PIERCE1: variants seen among roughly 807,000 people sequenced by gnomAD.
PIERCE1 encodes piercer of microtubule wall 1.
chr9:135,497,626 C>T, the PIERCE1 span, among the ~76,000 whole-genome samples: 4 of 152,004 alleles, frequency 2.6e-5, no homozygotes, highest in African/African-American at 4.8e-5. Context: ...GGTCTCATTA[C>T]GTTGCCCAGG....
the PIERCE1 span, chr9:135,499,490 C>T: frequency 4.1e-6 from 3 of 731,912 alleles, no homozygotes; most frequent in African/African-American, 1.7e-5. Flanking sequence ...TTTCTCCCCC[C>T]ACGGCCCTGC....
chr9:135,499,376 C>T, the PIERCE1 span: 1 of 585,828 alleles, frequency 1.7e-6, no homozygotes, highest in Non-Finnish European at 3.3e-6. Context: ...TACAGCAAGA[C>T]AGTGGAGGTG....
chr9:135,498,460 T>C, the PIERCE1 span: 1 of 735,552 alleles, frequency 1.4e-6, no homozygotes. The surrounding 1 kb of genome is among the most constrained non-coding windows in gnomAD (Gnocchi z 4.1). Flanking sequence ...GCTGGAACTT[T>C]GGCCTCCTCC....
the PIERCE1 span, chr9:135,499,365 C>T: frequency 1.8e-6 from 1 of 558,214 alleles, no homozygotes; most frequent in South Asian, 1.7e-5. Flanking sequence ...CTGGCTGAGT[C>T]TACAGCAAGA....
chr9:135,498,938 T>A, the PIERCE1 span: 1 of 439,736 alleles, frequency 2.3e-6, no homozygotes, highest in Admixed American at 4.0e-5. This position sits in a 1 kb window ranked among gnomAD's most constrained non-coding sequence, Gnocchi z 4.1. Flanking sequence ...CAAGTGCTGA[T>A]CCCCAGCCCT....
chr9:135,497,777 G>A, the PIERCE1 span, among the ~76,000 whole-genome samples: 7 of 152,182 alleles, frequency 4.6e-5, no homozygotes, highest in Non-Finnish European at 1.0e-4. Context: ...ACTCAGGGTC[G>A]TCTGATTACG....
chr9:135,499,588 C>G, the PIERCE1 span: 3 of 1,354,452 alleles, frequency 2.2e-6, no homozygotes, highest in Non-Finnish European at 2.1e-6. Flanking sequence ...GCGCGGGCCC[C>G]GGATGACCAC....
the PIERCE1 span, chr9:135,495,505 G>A: frequency 2.5e-5 from 41 of 1,613,986 alleles, no homozygotes; most frequent in Admixed American, 5.0e-5. Context: ...TGCAGTTATC[G>A]GGGCCAGTCA....
the PIERCE1 span, chr9:135,498,482 C>A: frequency 1.1e-6 from 1 of 939,258 alleles, no homozygotes; most frequent in Non-Finnish European, 1.7e-6. The surrounding 1 kb of genome is among the most constrained non-coding windows in gnomAD (Gnocchi z 4.1). Flanking sequence ...TGGGTGCACC[C>A]CTCCCCGTCT....
chr9:135,497,627 G>A, the PIERCE1 span, among the ~76,000 whole-genome samples: 8 of 152,062 alleles, frequency 5.3e-5, no homozygotes, highest in Non-Finnish European at 7.4e-5. Context: ...GTCTCATTAC[G>A]TTGCCCAGGC....
chr9:135,495,851 G>A, the PIERCE1 span, among the ~76,000 whole-genome samples: 1 of 152,186 alleles, frequency 6.6e-6, no homozygotes, highest in Non-Finnish European at 1.5e-5. Flanking sequence ...CCACCTGTGT[G>A]CCATCTCTAC....
At chr9:135,498,779 G>T in the PIERCE1 span, 16 of 938,440 alleles carry the variant, frequency 1.7e-5, no homozygotes, top group Non-Finnish European at 2.7e-5. This position sits in a 1 kb window ranked among gnomAD's most constrained non-coding sequence, Gnocchi z 4.1. Context: ...AGAGCAATAT[G>T]CCCGGGCTGG....
At chr9:135,499,591 A>G in the PIERCE1 span, 1 of 1,368,344 alleles carries the variant, frequency 7.3e-7, no homozygotes, top group Admixed American at 2.0e-5. Context: ...CGGGCCCCGG[A>G]TGACCACTCG....
At chr9:135,495,701 C>A in the PIERCE1 span, 1 of 1,296,138 alleles carries the variant, frequency 7.7e-7, no homozygotes, top group South Asian at 1.5e-5. Context: ...AATAAGAATT[C>A]ATAAGAAAAT....
the PIERCE1 span, chr9:135,498,565 C>A: frequency 6.2e-7 from 1 of 1,612,532 alleles, no homozygotes; most frequent in South Asian, 1.1e-5. The surrounding 1 kb of genome is among the most constrained non-coding windows in gnomAD (Gnocchi z 4.1). Flanking sequence ...CCCCCATGCC[C>A]GGTCTTGCAT....
At chr9:135,497,695 G>T in the PIERCE1 span, among the ~76,000 whole-genome samples, 1 of 152,152 alleles carries the variant, frequency 6.6e-6, no homozygotes, top group African/African-American at 2.4e-5. Flanking sequence ...AAAGTGCTGG[G>T]ATTACAGGCG....
chr9:135,495,932 C>G, the PIERCE1 span, among the ~76,000 whole-genome samples: 3 of 152,224 alleles, frequency 2.0e-5, no homozygotes, highest in Admixed American at 2.0e-4. Flanking sequence ...CTTTTGCTCA[C>G]TGTGCTACTC....
the PIERCE1 span, chr9:135,499,717 C>T: frequency 1.2e-6 from 2 of 1,608,014 alleles, no homozygotes; most frequent in East Asian, 4.5e-5. Flanking sequence ...ACCTGTAGCC[C>T]CGGAACCACC....
chr9:135,499,388 T>G, the PIERCE1 span: 1 of 609,842 alleles, frequency 1.6e-6, no homozygotes, highest in African/African-American at 1.8e-5. Context: ...GTGGAGGTGC[T>G]GCTGTGCTCA....
Sources: gnomAD v4.1 joint callset for allele counts (sites outside exome capture counted in the v4.1 genomes callset) on GRCh38, gnomAD v4.1.1 for gene constraint, Gnocchi (gnomAD v3.1) non-coding constraint, MANE v1.5 for transcripts, NCBI Gene and HGNC (gene_info 2026-07-23, HGNC 2026-07-21) for gene names.